The following MCTP1 variants were observed in gnomAD, a reference collection of about 807,000 sequenced individuals.
The protein encoded by MCTP1 is multiple C2 and transmembrane domain containing 1.
Under a neutral mutation model 120.6 loss-of-function variants are expected in MCTP1, and 69 were observed. The ratio of observed to expected loss-of-function variants is 0.57; its 90% CI spans 0.47 to 0.70. MCTP1 has a LOEUF of 0.70. Among genes scored for constraint, MCTP1 ranks in the 30% least tolerant of loss-of-function variants. MCTP1 has a pLI of 0.00. For missense variants in MCTP1, 1,203 were observed against 1,248.8 expected, an observed-to-expected ratio of 0.96 and a Z score of 0.55; for synonymous variants, 529 against 493.1, an observed-to-expected ratio of 1.07 and a Z score of -0.96.
chr5:95,175,914 C>A (rs957876278), intron 1 of MCTP1, among the ~76,000 whole-genome samples: 1 of 152,144 alleles, frequency 6.6e-6, no homozygotes, highest in African/African-American at 2.4e-5. Context: ...AAACTGACAT[C>A]TCTATTACCC....
chr5:94,951,067 C>T (rs1326355222), intron 3 of MCTP1, among the ~76,000 whole-genome samples: 2 of 151,938 alleles, frequency 1.3e-5, no homozygotes, highest in Non-Finnish European at 2.9e-5. Flanking sequence ...ATCTGAATAA[C>T]ATACATTGCA....
chr5:94,983,785 T>C (rs1829962454), intron 2 of MCTP1, among the ~76,000 whole-genome samples: 1 of 152,192 alleles, frequency 6.6e-6, no homozygotes, highest in African/African-American at 2.4e-5. Context: ...TTACATGCTT[T>C]TCAATTTATG....
chr5:94,844,066 G>A (rs1007929635), intron 17 of MCTP1, among the ~76,000 whole-genome samples: 3 of 152,064 alleles, frequency 2.0e-5, no homozygotes, highest in Non-Finnish European at 4.4e-5. Context: ...ACTTTGGGAG[G>A]CAGAGGCGGA....
chr5:95,046,748 C>T (rs1019424001), intron 1 of MCTP1, among the ~76,000 whole-genome samples: 5 of 152,098 alleles, frequency 3.3e-5, no homozygotes, highest in East Asian at 1.9e-4. Context: ...CATACCATAT[C>T]GACACCCACC....
At chr5:94,945,651 A>T (rs570643252) in intron 3 of MCTP1, among the ~76,000 whole-genome samples, 2 of 152,336 alleles carry the variant, frequency 1.3e-5, no homozygotes, top group South Asian at 4.1e-4. Flanking sequence ...GAGACAGACA[A>T]TAAAGAAATA....
chr5:94,790,231 C>T (rs1399193357), intron 18 of MCTP1, among the ~76,000 whole-genome samples: 1 of 152,114 alleles, frequency 6.6e-6, no homozygotes, highest in South Asian at 2.1e-4. Context: ...AGGAGGTGAA[C>T]CCAAAGTGCA....
chr5:95,274,755 C>T (rs368673654), intron 1 of MCTP1, among the ~76,000 whole-genome samples: 42 of 152,172 alleles, frequency 2.8e-4, no homozygotes, highest in African/African-American at 9.6e-4. Context: ...TCCTGAGTAG[C>T]TGGGACTACA....
At chr5:94,728,901 A>C (rs1002490211) in intron 19 of MCTP1, among the ~76,000 whole-genome samples, 1 of 152,164 alleles carries the variant, frequency 6.6e-6, no homozygotes, top group African/African-American at 2.4e-5. Flanking sequence ...TTACTCAATA[A>C]ATATTTATTG....
intron 19 of MCTP1, among the ~76,000 whole-genome samples, chr5:94,758,895 T>C (rs1770610085): frequency 6.6e-6 from 1 of 152,166 alleles, no homozygotes; most frequent in African/African-American, 2.4e-5. Flanking sequence ...ATCTATTTAG[T>C]TTTCCTGATA....
At chr5:94,925,950 A>T (rs545300121) in intron 6 of MCTP1, among the ~76,000 whole-genome samples, 2 of 152,300 alleles carry the variant, frequency 1.3e-5, no homozygotes, top group African/African-American at 2.4e-5. Context: ...CCTCAAAGAT[A>T]AAAAAATCTA....
At chr5:95,011,900 T>C (rs1408452508) in intron 2 of MCTP1, among the ~76,000 whole-genome samples, 1 of 152,166 alleles carries the variant, frequency 6.6e-6, no homozygotes, top group Admixed American at 6.6e-5. Flanking sequence ...TTGCCATCAA[T>C]GTTTGGGCAC....
chr5:94,928,843 A>T (rs926801629), intron 6 of MCTP1, among the ~76,000 whole-genome samples: 3 of 152,126 alleles, frequency 2.0e-5, no homozygotes, highest in African/African-American at 7.2e-5. Flanking sequence ...CCCACCTCCA[A>T]AAAGAAAAAA....
At position 95,230,859 on chromosome 5, in the gene MCTP1, T is replaced by C. The variant is rs1186146633; in HGVS notation, c.720+52997A>G. On this transcript the variant is annotated intron_variant, in intron 1 of 22. Transcript: ENST00000515393. ...ACCTTTTTTTTAAACTGAAATTCTA[T>C]ACTTAGTTCGTTCATAATTTCCCAT... Among the ~76,000 whole-genome samples, 7 of 152,308 alleles carry C rather than the reference T, an allele frequency of 4.6e-5. No homozygotes were observed. In the East Asian group the frequency reaches 9.6e-4, roughly 21 times the overall value.
Position 94,924,018 on chromosome 5 carries a change from G to T in MCTP1, c.1216C>A (p.Leu406Ile). 1 of 1,496,808 alleles carries T rather than the reference G, an allele frequency of 6.7e-7. No homozygotes were observed. Among genetic ancestry groups the T allele is most frequent in the South Asian group, 1.4e-5 (1 of 72,194 alleles). The allele number at this position is 1,496,808 out of a possible 1,614,324, so 92.7% of individuals were successfully genotyped here. Reference sequence around the variant, plus strand: ...GATCCAACCACTTCATTTTCTGAAAGTTCCTAGAAACAAACAAATATTTAG... The same window carrying T: ...GATCCAACCACTTCATTTTCTGAAATTTCCTAGAAACAAACAAATATTTAG... ...RKSWKRSSKELSENEVVGSYF... is the reference protein window; with the variant it reads ...RKSWKRSSKEISENEVVGSYF... The change falls in exon 7 of 23, where the codon CTT becomes ATT. Residue 406 changes from leucine to isoleucine, a missense_variant. Physicochemically the swap from Leu to Ile is conservative, Grantham distance 5. Around this residue, in one of 2 missense-constraint regions of MCTP1, gnomAD observed 740 missense variants for 871.1 expected, o/e 0.85. Transcript: ENST00000515393.
intron 3 of MCTP1, among the ~76,000 whole-genome samples, chr5:94,946,150 C>T (rs900012922): frequency 6.6e-6 from 1 of 152,192 alleles, no homozygotes; most frequent in East Asian, 1.9e-4. Context: ...AATCCCATTT[C>T]TGCCTCTCCA....
At chr5:95,261,777 G>C (rs1454177307) in intron 1 of MCTP1, among the ~76,000 whole-genome samples, 3 of 152,364 alleles carry the variant, frequency 2.0e-5, no homozygotes, top group African/African-American at 7.2e-5. Flanking sequence ...CTGCAATGGA[G>C]ATGTACATCT....
At chr5:95,201,526 A>G (rs1288569710) in intron 1 of MCTP1, among the ~76,000 whole-genome samples, 4 of 91,850 alleles carry the variant, frequency 4.4e-5, no homozygotes, top group Admixed American at 1.9e-4. Flanking sequence ...TTTTTTTGAG[A>G]CAGAGTCTCG....
At chr5:95,271,993 C>G (rs912495348) in intron 1 of MCTP1, among the ~76,000 whole-genome samples, 2 of 152,042 alleles carry the variant, frequency 1.3e-5, no homozygotes, top group Non-Finnish European at 2.9e-5. Context: ...AAAATTATTT[C>G]ATCATTTAAA....
chr5:95,220,721 T>A (rs1435948305), intron 1 of MCTP1, among the ~76,000 whole-genome samples: 1 of 152,214 alleles, frequency 6.6e-6, no homozygotes, highest in Non-Finnish European at 1.5e-5. Context: ...ATGGCAATAT[T>A]TTTTTCTATT....
Sources: allele counts gnomAD v4.1 joint callset (sites outside exome capture counted in the v4.1 genomes callset), GRCh38; gene constraint gnomAD v4.1.1; regional missense constraint gnomAD v4.1.1; transcripts MANE v1.5; gene names NCBI Gene and HGNC (gene_info 2026-07-23, HGNC 2026-07-21).